GLG1: variants seen among roughly 807,000 people sequenced by gnomAD.
GLG1 encodes the protein golgi glycoprotein 1.
In GLG1, 38 loss-of-function variants were observed where a neutral mutation model predicts 160.5. That is an observed-to-expected ratio of 0.24 (90% CI 0.18 to 0.31). The LOEUF is 0.31. GLG1 is among the 10% of genes least tolerant of loss of function. The probability of loss-of-function intolerance (pLI) is 1.00; values close to 1 mark genes in which losing one functional copy is unlikely to be tolerated. For synonymous variants in GLG1, 644 were observed against 543.4 expected (o/e 1.19, Z -2.57); for missense variants, 1,373 against 1,505.2 (o/e 0.91, Z 1.45).
chr16:74,484,843 C>A (rs1317440881), intron 9 of GLG1, among the ~76,000 whole-genome samples: 1 of 152,090 alleles, frequency 6.6e-6, no homozygotes, highest in Non-Finnish European at 1.5e-5. Flanking sequence ...ATCTCGAACT[C>A]TGGACCTCAC....
intron 13 of GLG1, 30 bp from the exon 14 acceptor site, chr16:74,472,441 T>G: frequency 1.9e-6 from 3 of 1,539,484 alleles, no homozygotes; most frequent in Non-Finnish European, 2.7e-6. Flanking sequence ...TTAATACTTC[T>G]GCTTTAGAAA....
chr16:74,539,570 T>G, intron 1 of GLG1, among the ~76,000 whole-genome samples: 1 of 150,962 alleles, frequency 6.6e-6, no homozygotes, highest in East Asian at 2.0e-4. Context: ...CACATAGGTA[T>G]AAATATACTG....
chr16:74,451,585 A>G lies in GLG1; in HGVS notation c.*1582T>C. 5.8e-6 allele frequency: 1 copy of G among 171,994 alleles called. No individual in the cohort carries two copies. The highest frequency in any genetic ancestry group is 1.3e-5 in the Non-Finnish European group (1 of 79,008). The allele number at this position is 171,994 out of a possible 1,614,324, so 10.7% of individuals were successfully genotyped here. A position where few individuals can be genotyped will look rare whatever the true frequency, so the allele number is the denominator to read the frequency against. ...GGCAAGAGTGGGGGGCGCCGAGGGC[A>G]GGCCTTGGTCTACATGGACAGTTTT... is the stretch of plus-strand genomic sequence containing the variant. On this transcript the variant is annotated 3_prime_UTR_variant, in exon 26 of 26. Transcript: ENST00000422840.
chr16:74,595,276 G>A (rs1008341234), intron 1 of GLG1, among the ~76,000 whole-genome samples: 2 of 151,492 alleles, frequency 1.3e-5, no homozygotes, highest in Non-Finnish European at 2.9e-5. Context: ...GGTGGCTCAC[G>A]CCTGTAATCC....
rs1199750147 is a variant in GLG1, at chr16:74,511,573, ACC to A, written c.472-2650_472-2649del. 2.3e-4 allele frequency among the ~76,000 whole-genome samples: 14 copies of A among 60,006 alleles called. No homozygotes were observed. In the East Asian group the frequency reaches 4.3e-3, roughly 19 times the overall value. 39.4% of individuals were successfully genotyped at this position (60,006 alleles called of 152,430 possible). ...AGGCTGAGGCAGGAGAATAACTTGA[ACC>A]TTTTTTTTTTAAAAAAAAAAAAAAA... On this transcript the variant is annotated intron_variant, in intron 2 of 25. Coordinates refer to ENST00000422840, the MANE Select transcript of GLG1 (RefSeq NM_001145667.2).
In GLG1 at chr16:74,549,944, A is replaced by T. The variant is rs552997299; in HGVS notation, c.439-17791T>A. Among the ~76,000 whole-genome samples, 518 of 151,312 alleles carry T rather than the reference A, an allele frequency of 3.4e-3. 1 individual carries two copies. The highest frequency in any genetic ancestry group is 0.012 in the African/African-American group (484 of 41,238). ...GCCTGGGCAACATAGCAAAACCCCA[A>T]ATGTGCCAAAAAGAAAAAAAAAAGT... On this transcript the variant is annotated intron_variant, in intron 1 of 25. Transcript: ENST00000422840.
chr16:74,486,653 T>G (rs934715007), intron 8 of GLG1, among the ~76,000 whole-genome samples: 22 of 152,158 alleles, frequency 1.4e-4, no homozygotes, highest in African/African-American at 4.8e-4. Context: ...TTTCCTGCCT[T>G]TAAGGCACTT....
At chr16:74,495,896 C>T (rs1233938221) in intron 5 of GLG1, among the ~76,000 whole-genome samples, 1 of 152,152 alleles carries the variant, frequency 6.6e-6, no homozygotes, top group East Asian at 1.9e-4. Flanking sequence ...TATACTGGGA[C>T]CAATTTCTTC....
At position 74,491,072 on chromosome 16, in the gene GLG1, G is replaced by A. The variant is rs1166469066; in HGVS notation, c.1378C>T (p.Arg460Trp). 1 of 1,614,026 alleles carries A rather than the reference G, an allele frequency of 6.2e-7. No individual in the cohort carries two copies. Among genetic ancestry groups the A allele is most frequent in the Non-Finnish European group, 8.5e-7 (1 of 1,179,920 alleles). Residue 460 changes from arginine to tryptophan, a missense_variant, in exon 8 of 26, where the codon CGG becomes TGG. Arg to Trp is a moderately radical substitution (Grantham distance 101). Around this residue, in one of 4 missense-constraint regions of GLG1, gnomAD observed 386 missense variants for 388.5 expected, o/e 0.99. Coordinates refer to ENST00000422840, the MANE Select transcript of GLG1 (RefSeq NM_001145667.2). ...HHCSGLHRKG[R>W]TLHCLMKVVR... is the part of the protein sequence containing the mutation. ...ACTTTCATCAGACAGTGTAGGGTCCGCCCTTTTCGATGTAATCCGGAACAA... is the reference window on the plus strand; with the variant it reads ...ACTTTCATCAGACAGTGTAGGGTCCACCCTTTTCGATGTAATCCGGAACAA...
At chr16:74,593,827 T>C (rs1958240964) in intron 1 of GLG1, among the ~76,000 whole-genome samples, 1 of 152,340 alleles carries the variant, frequency 6.6e-6, no homozygotes, top group South Asian at 2.1e-4. Flanking sequence ...CCTATTCTCC[T>C]GGTTAATTTT....
At chr16:74,509,207 T>C (rs369939401) in intron 2 of GLG1, among the ~76,000 whole-genome samples, 50 of 147,754 alleles carry the variant, frequency 3.4e-4, no homozygotes, top group African/African-American at 1.2e-3. Flanking sequence ...AGTTTCACTC[T>C]TGTTGCCCAG....
intron 1 of GLG1, among the ~76,000 whole-genome samples, chr16:74,578,686 G>C (rs1033403774): frequency 6.6e-6 from 1 of 152,168 alleles, no homozygotes; most frequent in Non-Finnish European, 1.5e-5. Context: ...CAGAACACAG[G>C]CCTCCTTAGA....
At chr16:74,601,757 C>T (rs1008013063) in intron 1 of GLG1, among the ~76,000 whole-genome samples, 1 of 152,170 alleles carries the variant, frequency 6.6e-6, no homozygotes, top group Non-Finnish European at 1.5e-5. Flanking sequence ...ACTGTTACAA[C>T]TCAGTTGTTC....
intron 11 of GLG1, among the ~76,000 whole-genome samples, chr16:74,477,952 A>T (rs1164023466): frequency 6.8e-6 from 1 of 148,026 alleles, no homozygotes; most frequent in Non-Finnish European, 1.5e-5. Flanking sequence ...CAGCCTGGGC[A>T]ACAAGAGCGA....
At chr16:74,511,730 C>T (rs1267032838) in intron 2 of GLG1, among the ~76,000 whole-genome samples, 1 of 151,964 alleles carries the variant, frequency 6.6e-6, no homozygotes, top group Non-Finnish European at 1.5e-5. Flanking sequence ...AATGCAAAGT[C>T]AGATGTCCTA....
At chr16:74,457,334 T>C (rs2014593641) in intron 24 of GLG1, among the ~76,000 whole-genome samples, 1 of 152,016 alleles carries the variant, frequency 6.6e-6, no homozygotes, top group Non-Finnish European at 1.5e-5. Context: ...GAGGCGGAGG[T>C]TGCAGTGAGC....
chr16:74,508,050 G>C (rs1434106378), intron 3 of GLG1, among the ~76,000 whole-genome samples: 1 of 151,996 alleles, frequency 6.6e-6, no homozygotes. Flanking sequence ...TAGAAAGTTT[G>C]AGAAAACAGG....
intron 11 of GLG1, among the ~76,000 whole-genome samples, chr16:74,479,446 G>GAGA (rs2015520214): frequency 8.6e-6 from 1 of 116,138 alleles, no homozygotes; most frequent in Non-Finnish European, 1.9e-5. Context: ...TATATGGAGA[G>GAGA]AAAAAAAAAA....
intron 2 of GLG1, among the ~76,000 whole-genome samples, chr16:74,531,465 T>C (rs948997372): frequency 1.3e-5 from 2 of 152,164 alleles, no homozygotes; most frequent in African/African-American, 4.8e-5. Context: ...ATTAAAGGCA[T>C]GCACCGCCAT....
Sources: gnomAD v4.1 joint callset for allele counts (sites outside exome capture counted in the v4.1 genomes callset) on GRCh38, gnomAD v4.1.1 for gene constraint, gnomAD v4.1.1 regional missense constraint, MANE v1.5 for transcripts, NCBI Gene and HGNC (gene_info 2026-07-23, HGNC 2026-07-21) for gene names.